TEX14: variants seen among roughly 807,000 people sequenced by gnomAD.
TEX14 encodes the protein inactive serine/threonine-protein kinase TEX14.
TEX14 carries 168 observed loss-of-function variants against 178.6 expected under a neutral mutation model. The observed-to-expected ratio is 0.94, with a 90% CI of 0.83 to 1.07. TEX14 has a LOEUF of 1.07. Among genes scored for constraint, TEX14 ranks in the 50% least tolerant of loss-of-function variants. The probability of loss-of-function intolerance (pLI) is 0.00; values close to 1 mark genes in which losing one functional copy is unlikely to be tolerated. For missense variants in TEX14, 1,730 were observed against 1,753.6 expected, an observed-to-expected ratio of 0.99 and a Z score of 0.24; for synonymous variants, 626 against 634.1, an observed-to-expected ratio of 0.99 and a Z score of 0.19.
intron 1 of TEX14, among the ~76,000 whole-genome samples, chr17:58,681,015 C>T (rs1298758821): frequency 1.3e-5 from 2 of 152,142 alleles, no homozygotes; most frequent in Non-Finnish European, 2.9e-5. Flanking sequence ...GGTGCAGTGG[C>T]TCACACCTGT....
intron 14 of TEX14, among the ~76,000 whole-genome samples, chr17:58,593,984 A>C (rs922788640): frequency 6.6e-6 from 1 of 152,038 alleles, no homozygotes; most frequent in Non-Finnish European, 1.5e-5. Context: ...ACAGGCGCAC[A>C]CCACCACACC....
chr17:58,602,483 C>G lies in TEX14; in HGVS notation c.1444G>C (p.Val482Leu). ...VRLPKPYYDI[V>L]KSGIHVKQKD... ...TGCTTGACGTGGATGCCTGACTTAA[C>G]AATATCATAGTAAGGTTTCGGAAGC... The change falls in exon 12 of 32, where the codon GTT becomes CTT. Residue 482 changes from valine to leucine, a missense_variant. This residue lies in a region of TEX14 where 789 missense variants were observed against 681.2 expected (regional missense o/e 1.16). Coordinates refer to ENST00000349033, the MANE Select transcript of TEX14 (RefSeq NM_031272.5). 1.2e-6 allele frequency: 2 copies of G among 1,613,944 alleles called. No homozygotes were observed. Among genetic ancestry groups the G allele is most frequent in the Non-Finnish European group, 1.7e-6 (2 of 1,180,000 alleles).
intron 14 of TEX14, among the ~76,000 whole-genome samples, chr17:58,597,805 C>T (rs1208485814): frequency 6.6e-6 from 1 of 152,164 alleles, no homozygotes; most frequent in Non-Finnish European, 1.5e-5. Flanking sequence ...TACTGGTCAC[C>T]ATGCTAGGTG....
chr17:58,670,858 C>T (rs963299437), intron 1 of TEX14, among the ~76,000 whole-genome samples: 4 of 150,678 alleles, frequency 2.7e-5, no homozygotes, highest in Non-Finnish European at 5.9e-5. Flanking sequence ...AGCATCTTTA[C>T]CACAATAAAA....
chr17:58,652,067 T>A (rs1241226062), intron 1 of TEX14, 65 bp from the exon 2 acceptor site: 1 of 1,350,554 alleles, frequency 7.4e-7, no homozygotes, highest in African/African-American at 1.5e-5. Context: ...ACAACTTAAT[T>A]CTTTTACATT....
intron 15 of TEX14, among the ~76,000 whole-genome samples, chr17:58,593,322 T>C (rs1006409313): frequency 3.3e-5 from 5 of 152,220 alleles, no homozygotes; most frequent in Non-Finnish European, 7.3e-5. Context: ...TTCTAACAAC[T>C]GATGAGTTCT....
chr17:58,666,126 T>C (rs987346075), intron 1 of TEX14, among the ~76,000 whole-genome samples: 1 of 151,306 alleles, frequency 6.6e-6, no homozygotes, highest in African/African-American at 2.4e-5. Context: ...GTGGATCACT[T>C]GAGGACAAGA....
At chr17:58,568,986 A>C (rs1270312074) in intron 26 of TEX14, among the ~76,000 whole-genome samples, 2 of 152,170 alleles carry the variant, frequency 1.3e-5, no homozygotes, top group Admixed American at 6.5e-5. Flanking sequence ...AACTGACACA[A>C]GCCAATCATC....
chr17:58,613,290 A>G (rs760097267), intron 9 of TEX14, 131 bp downstream of exon 9: 19 of 1,169,518 alleles, frequency 1.6e-5, no homozygotes, highest in Non-Finnish European at 2.2e-5. Flanking sequence ...TACAGCCCCT[A>G]TAAAGCAAAA....
Position 58,577,386 on chromosome 17 carries a change from T to C in TEX14, c.3309A>G (p.Gln1103=), listed in dbSNP as rs2044704268. The C allele has an allele frequency of 1.4e-6, 2 of 1,470,622 alleles. No individual in the cohort carries two copies. Among genetic ancestry groups the C allele is most frequent in the South Asian group, 2.7e-5 (2 of 73,626 alleles). The allele number at this position is 1,470,622 out of a possible 1,614,324, so 91.1% of individuals were successfully genotyped here. A position where few individuals can be genotyped will look rare whatever the true frequency, so the allele number is the denominator to read the frequency against. ...NAEILPRSQF[Q]PVRSTEDEQE... ...ATAATAGCCCATACCTTCGTACAGG[T>C]TGAAATTGAGACCTGGGCAAAATCT... The change falls in exon 21 of 32, where the codon CAA becomes CAG. Residue 1103 remains glutamine (Q), a synonymous_variant. Coordinates refer to ENST00000349033, the MANE Select transcript of TEX14 (RefSeq NM_031272.5).
chr17:58,666,561 C>T (rs2047213364), intron 1 of TEX14: 1 of 151,704 alleles, frequency 6.6e-6, no homozygotes. Flanking sequence ...AACGCAATCT[C>T]CCGCTACCAC....
chr17:58,631,125 G>A (rs1396746496), intron 2 of TEX14: 19 of 982,066 alleles, frequency 1.9e-5, no homozygotes, highest in Non-Finnish European at 2.2e-5. Flanking sequence ...AAAAAATTTA[G>A]TCCTCCAGAA....
chr17:58,557,197 G>C (rs1157231784), intron 31 of TEX14, 150 bp from the exon 32 acceptor site: 1 of 676,940 alleles, frequency 1.5e-6, no homozygotes, highest in East Asian at 2.7e-5. Context: ...ATAACCAACA[G>C]TGTGTCATGG....
At chr17:58,691,543 T>G (rs2047724052) in intron 1 of TEX14, among the ~76,000 whole-genome samples, 1 of 151,546 alleles carries the variant, frequency 6.6e-6, no homozygotes, top group Non-Finnish European at 1.5e-5. Context: ...GGCGTGCGCC[T>G]GTAATCCCAG....
intron 2 of TEX14, among the ~76,000 whole-genome samples, chr17:58,632,773 G>A (rs533608197): frequency 6.6e-6 from 1 of 152,176 alleles, no homozygotes; most frequent in Non-Finnish European, 1.5e-5. Context: ...TTAAAGCAGG[G>A]AAGGGGAGAG....
chr17:58,631,589 A>C (rs748096594), intron 2 of TEX14: 1 of 148,752 alleles, frequency 6.7e-6, no homozygotes, highest in Non-Finnish European at 1.5e-5. Context: ...CAAAAATTAA[A>C]AACATGAGGA....
At chr17:58,659,317 T>C (rs1013422399) in intron 1 of TEX14, 45 of 981,056 alleles carry the variant, frequency 4.6e-5, no homozygotes, top group African/African-American at 1.2e-4. Context: ...ATTTACTTAA[T>C]ATTGCTAATA....
At chr17:58,645,648 T>C (rs400251) in intron 2 of TEX14, among the ~76,000 whole-genome samples, 152,345 of 152,346 alleles carry the variant, frequency 1, 76,172 homozygotes, top group Non-Finnish European at 1. Context: ...ATGAGCCACC[T>C]GCCCGGCCTA....
At chr17:58,683,369 TC>T (rs199538244) in intron 1 of TEX14, among the ~76,000 whole-genome samples, 1,793 of 124,878 alleles carry the variant, frequency 0.014, 16 homozygotes, top group East Asian at 0.019. Flanking sequence ...CAAGACTCCA[TC>T]CCCCCCCCCA....
Sources: allele counts gnomAD v4.1 joint callset (sites outside exome capture counted in the v4.1 genomes callset), GRCh38; gene constraint gnomAD v4.1.1; regional missense constraint gnomAD v4.1.1; transcripts MANE v1.5; gene names NCBI Gene and HGNC (gene_info 2026-07-23, HGNC 2026-07-21).